The following ZNF704 variants were observed in gnomAD, a reference collection of about 807,000 sequenced individuals.
The protein encoded by ZNF704 is zinc finger protein 704.
Under a neutral mutation model 44.7 loss-of-function variants are expected in ZNF704, and 10 were observed. That is an observed-to-expected ratio of 0.22 (90% CI 0.14 to 0.38). The LOEUF is 0.38. Ranked by LOEUF, ZNF704 falls within the 10% of genes least tolerant of loss-of-function variation. The probability of loss-of-function intolerance (pLI) is 1.00; values close to 1 mark genes in which losing one functional copy is unlikely to be tolerated. For missense variants in ZNF704, 390 were observed against 545.5 expected (o/e 0.71, Z 2.84); for synonymous variants, 211 against 207.6 (o/e 1.02, Z -0.14).
chr8:80,842,187 A>C (rs528943121), intron 1 of ZNF704, among the ~76,000 whole-genome samples: 1 of 152,310 alleles, frequency 6.6e-6, no homozygotes, highest in South Asian at 2.1e-4. Context: ...AACTGTATAA[A>C]GCTGGAATCA....
intron 2 of ZNF704, among the ~76,000 whole-genome samples, chr8:80,794,652 TA>T (rs1807768147): frequency 1.3e-5 from 2 of 152,216 alleles, no homozygotes; most frequent in Admixed American, 6.5e-5. Flanking sequence ...GATCAAACAG[TA>T]AAACTGCCAA....
At chr8:80,657,174 G>GT (rs551048804) in intron 7 of ZNF704, among the ~76,000 whole-genome samples, 26 of 151,960 alleles carry the variant, frequency 1.7e-4, no homozygotes, top group African/African-American at 5.6e-4. Flanking sequence ...GCACCTGCTT[G>GT]TTTTTTTTAG....
In ZNF704 at chr8:80,700,409, C is replaced by A. The variant is rs970630403; in HGVS notation, c.222-7302G>T. ...TGCAGCTTCACAAAACTTCAGATTC[C>A]TCATCTGTAAAATGGAAATGACAAT... is the stretch of plus-strand genomic sequence containing the variant. On this transcript the variant is annotated intron_variant, in intron 2 of 8. Coordinates refer to ENST00000327835, the MANE Select transcript of ZNF704 (RefSeq NM_001033723.3). Among the ~76,000 whole-genome samples the A allele has an allele frequency of 2.6e-5, 4 of 152,206 alleles. No homozygotes were observed. In the South Asian group the frequency reaches 8.3e-4, roughly 32 times the overall value.
intron 1 of ZNF704, among the ~76,000 whole-genome samples, chr8:80,864,870 C>T (rs1450500010): frequency 6.6e-6 from 1 of 152,192 alleles, no homozygotes; most frequent in Non-Finnish European, 1.5e-5. Context: ...CCTCTTCCAA[C>T]CTACCCTTTT....
chr8:80,787,330 GCACA>G (rs958051893), intron 2 of ZNF704, among the ~76,000 whole-genome samples: 2 of 152,090 alleles, frequency 1.3e-5, no homozygotes, highest in Admixed American at 6.6e-5. Context: ...ACATGTGCGT[GCACA>G]CACACTCACC....
At chr8:80,656,982 T>A (rs915640500) in intron 7 of ZNF704, among the ~76,000 whole-genome samples, 1 of 152,314 alleles carries the variant, frequency 6.6e-6, no homozygotes, top group Non-Finnish European at 1.5e-5. Flanking sequence ...AAAACCCTAT[T>A]ACACCAATTT....
At chr8:80,705,076 GTTGC>G (rs992446503) in intron 2 of ZNF704, among the ~76,000 whole-genome samples, 1 of 152,152 alleles carries the variant, frequency 6.6e-6, no homozygotes, top group African/African-American at 2.4e-5. Context: ...TGCAGAACTG[GTTGC>G]TTGCTTGATG....
intron 2 of ZNF704, among the ~76,000 whole-genome samples, chr8:80,693,799 T>C (rs1227138647): frequency 6.6e-6 from 1 of 152,182 alleles, no homozygotes; most frequent in Non-Finnish European, 1.5e-5. Flanking sequence ...TGGAAGGTGT[T>C]TTAATTTTAT....
intron 4 of ZNF704, 105 bp from the exon 5 acceptor site, chr8:80,670,708 T>TC: frequency 2.6e-6 from 2 of 757,448 alleles, no homozygotes; most frequent in Non-Finnish European, 2.2e-6. Context: ...AGTAGCAGCA[T>TC]CCCCAGCCTC....
At chr8:80,684,074 G>C (rs149270042) in intron 4 of ZNF704, among the ~76,000 whole-genome samples, 2 of 152,108 alleles carry the variant, frequency 1.3e-5, no homozygotes, top group African/African-American at 4.8e-5. Context: ...TCCTGAGAGG[G>C]GCATGTTAAT....
At chr8:80,870,308 A>C (rs1235061667) in intron 1 of ZNF704, among the ~76,000 whole-genome samples, 1 of 152,224 alleles carries the variant, frequency 6.6e-6, no homozygotes, top group East Asian at 1.9e-4. Context: ...TTTTAAAAAA[A>C]CCTAGGCCAT....
intron 1 of ZNF704, among the ~76,000 whole-genome samples, chr8:80,841,407 T>TC (rs1379324206): frequency 2.6e-5 from 4 of 152,148 alleles, no homozygotes; most frequent in Non-Finnish European, 5.9e-5. Context: ...TCTTTTTTTT[T>TC]CCCTTTGCAG....
At chr8:80,844,553 T>G (rs1023560526) in intron 1 of ZNF704, among the ~76,000 whole-genome samples, 1 of 152,190 alleles carries the variant, frequency 6.6e-6, no homozygotes, top group Admixed American at 6.5e-5. Context: ...ATTCCGTCTA[T>G]AGTGCTTCCC....
At chr8:80,682,733 AG>A (rs1818473905) in intron 4 of ZNF704, among the ~76,000 whole-genome samples, 2 of 151,836 alleles carry the variant, frequency 1.3e-5, no homozygotes, top group South Asian at 2.1e-4. Flanking sequence ...GCGGTGGGGG[AG>A]GGGGGAGGAG....
At position 80,725,848 on chromosome 8, in the gene ZNF704, T is replaced by A. The variant is rs185673532; in HGVS notation, c.222-32741A>T. Among the ~76,000 whole-genome samples, 7 of 152,246 alleles carry A rather than the reference T, an allele frequency of 4.6e-5. 1 individual carries two copies. The highest frequency in any genetic ancestry group is 4.6e-4 in the Admixed American group (7 of 15,292). On this transcript the variant is annotated intron_variant, in intron 2 of 8. Coordinates refer to ENST00000327835, the MANE Select transcript of ZNF704 (RefSeq NM_001033723.3). ...AGAGATGTATTTTCTAAAAATTAAA[T>A]ATATACATTTAAGCAGGAACAGCTT...
intron 2 of ZNF704, among the ~76,000 whole-genome samples, chr8:80,737,356 T>A (rs1392847042): frequency 6.6e-6 from 1 of 152,196 alleles, no homozygotes; most frequent in East Asian, 1.9e-4. Flanking sequence ...ATAAAAAGGC[T>A]CACTGACATG....
intron 2 of ZNF704, among the ~76,000 whole-genome samples, chr8:80,781,751 G>A (rs1390933794): frequency 1.3e-5 from 2 of 152,184 alleles, no homozygotes; most frequent in African/African-American, 4.8e-5. Flanking sequence ...ATGGGAACAT[G>A]GTCCTTCAGG....
At chr8:80,763,843 A>G (rs1167642181) in intron 2 of ZNF704, among the ~76,000 whole-genome samples, 1 of 152,088 alleles carries the variant, frequency 6.6e-6, no homozygotes, top group Non-Finnish European at 1.5e-5. Flanking sequence ...GATACCCTAA[A>G]TCATCTCTCT....
chr8:80,642,603 C>T (rs1179550705), intron 8 of ZNF704, among the ~76,000 whole-genome samples: 1 of 152,108 alleles, frequency 6.6e-6, no homozygotes, highest in African/African-American at 2.4e-5. Context: ...CATTTTTGGA[C>T]CACAATTGAC....
Sources: gnomAD v4.1 joint callset for allele counts (sites outside exome capture counted in the v4.1 genomes callset) on GRCh38, gnomAD v4.1.1 for gene constraint, MANE v1.5 for transcripts, NCBI Gene and HGNC (gene_info 2026-07-23, HGNC 2026-07-21) for gene names.